GTF2IRD1: variants seen among roughly 807,000 people sequenced by gnomAD.
GTF2IRD1 encodes the protein general transcription factor II-I repeat domain-containing protein 1.
A neutral mutation model predicts 113.2 loss-of-function variants in GTF2IRD1; 26 were observed. The ratio of observed to expected loss-of-function variants is 0.23; its 90% CI spans 0.17 to 0.32. The LOEUF (loss-of-function observed/expected upper bound fraction) is 0.32. Ranked by LOEUF, GTF2IRD1 falls within the 10% of genes least tolerant of loss-of-function variation. The pLI is 1.00. For synonymous variants in GTF2IRD1, 484 were observed against 529.1 expected, an observed-to-expected ratio of 0.91 and a Z score of 1.17; for missense variants, 864 against 1,280.8, an observed-to-expected ratio of 0.67 and a Z score of 4.97.
chr7:74,549,826 G>A (rs1255104576), intron 17 of GTF2IRD1, among the ~76,000 whole-genome samples: 1 of 152,062 alleles, frequency 6.6e-6, no homozygotes, highest in Non-Finnish European at 1.5e-5. Context: ...ACCTGAGGTT[G>A]GGAGTTTGAG....
Position 74,508,101 on chromosome 7 carries a change from C to T in GTF2IRD1, c.21C>T (p.Arg7=). ...CGACCATGGCCTTGCTGGGTAAGCG[C>T]TGTGACGTCCCCACCAACGGCTGCG... The part of the protein sequence containing the change: MALLGK[R]CDVPTNGCGP... Residue 7 remains arginine, a synonymous_variant, in exon 2 of 27, where the codon CGC becomes CGT. Coordinates refer to ENST00000424337, the MANE Select transcript of GTF2IRD1 (RefSeq NM_005685.4). 6.2e-7 allele frequency: 1 copy of T among 1,609,372 alleles called. No individual in the cohort carries two copies. Among genetic ancestry groups the T allele is most frequent in the Non-Finnish European group, 8.5e-7 (1 of 1,179,916 alleles).
At position 74,518,331 on chromosome 7, in the gene GTF2IRD1, G is replaced by C. The variant is rs1797073452; in HGVS notation, c.605+9G>C. 3.8e-6 allele frequency: 6 copies of C among 1,574,610 alleles called. No homozygotes were observed. The highest frequency in any genetic ancestry group is 5.2e-6 in the Non-Finnish European group (6 of 1,152,676). The stretch of plus-strand genomic sequence containing the variant: ...CGCTTCAAGCTCAAGAGGTGAGTGA[G>C]GTAGCCGGCCCGGGGCTGGGCTGGG... On this transcript the variant is annotated intron_variant, in intron 5 of 26. Transcript: ENST00000424337.
intron 1 of GTF2IRD1, among the ~76,000 whole-genome samples, chr7:74,474,951 A>G (rs1554333225): frequency 6.6e-6 from 1 of 152,024 alleles, no homozygotes; most frequent in African/African-American, 2.4e-5. Flanking sequence ...CATCTCTACA[A>G]AAAAAATAAA....
At chr7:74,488,112 C>T (rs1461137671) in intron 1 of GTF2IRD1, among the ~76,000 whole-genome samples, 1 of 152,118 alleles carries the variant, frequency 6.6e-6, no homozygotes, top group African/African-American at 2.4e-5. Context: ...GAGACCCTAT[C>T]TCTAAAAAGT....
intron 2 of GTF2IRD1, among the ~76,000 whole-genome samples, chr7:74,511,186 G>T (rs1479276969): frequency 6.7e-6 from 1 of 149,506 alleles, no homozygotes; most frequent in Non-Finnish European, 1.5e-5. Context: ...GCCTTTTAAG[G>T]GTTTCCTGAG....
intron 3 of GTF2IRD1, among the ~76,000 whole-genome samples, chr7:74,514,502 G>A (rs1340409337): frequency 2.0e-5 from 3 of 152,134 alleles, no homozygotes; most frequent in Non-Finnish European, 4.4e-5. Flanking sequence ...TTCAAGCTCC[G>A]CAGATCCCAG....
intron 7 of GTF2IRD1, 98 bp from the exon 8 acceptor site, chr7:74,523,973 G>A (rs587660384): frequency 1.9e-5 from 15 of 800,628 alleles, no homozygotes; most frequent in East Asian, 5.3e-5. Flanking sequence ...GGCCGGCCTC[G>A]GGGGCTCTGG....
intron 1 of GTF2IRD1, among the ~76,000 whole-genome samples, chr7:74,476,388 G>A (rs755203160): frequency 3.9e-4 from 4 of 10,162 alleles, no homozygotes; most frequent in South Asian, 1.7e-3. Context: ...CTTTTGAGAC[G>A]GAGTCTCACT....
At chr7:74,513,431 G>A (rs1035335220) in intron 3 of GTF2IRD1, among the ~76,000 whole-genome samples, 4 of 152,100 alleles carry the variant, frequency 2.6e-5, no homozygotes, top group South Asian at 2.1e-4. Flanking sequence ...TCAGCTTCCC[G>A]AGCAGCTGGG....
chr7:74,500,500 GGTTC>G (rs1795974491), intron 1 of GTF2IRD1, among the ~76,000 whole-genome samples: 1 of 151,298 alleles, frequency 6.6e-6, no homozygotes, highest in Admixed American at 6.6e-5. Context: ...TTGTTTTTTT[GGTTC>G]AACCCCAAGC....
intron 1 of GTF2IRD1, among the ~76,000 whole-genome samples, chr7:74,460,424 T>C (rs927774727): frequency 1.3e-5 from 2 of 151,528 alleles, no homozygotes; most frequent in African/African-American, 4.9e-5. Flanking sequence ...AAAATTTTTT[T>C]TTTTTAGAGA....
intron 8 of GTF2IRD1, 141 bp from the exon 9 acceptor site, chr7:74,529,593 C>T: frequency 1.6e-6 from 1 of 634,234 alleles, no homozygotes; most frequent in East Asian, 2.8e-5. Context: ...ATGATTTTGA[C>T]ATTTCTGCAG....
chr7:74,563,135 G>A (rs1209847525), intron 22 of GTF2IRD1, among the ~76,000 whole-genome samples: 1 of 151,840 alleles, frequency 6.6e-6, no homozygotes, highest in East Asian at 1.9e-4. Context: ...AGCATGAGAA[G>A]GTCCGTGCTT....
intron 23 of GTF2IRD1, 119 bp from the exon 24 acceptor site, chr7:74,590,706 A>T: frequency 3.4e-6 from 2 of 591,442 alleles, no homozygotes; most frequent in Non-Finnish European, 5.7e-6. Context: ...CTTGATTTTT[A>T]AACTCTCTGG....
chr7:74,455,602 G>T (rs948844436), intron 1 of GTF2IRD1, among the ~76,000 whole-genome samples: 3 of 152,228 alleles, frequency 2.0e-5, no homozygotes, highest in Non-Finnish European at 4.4e-5. Flanking sequence ...GTATAAGGTA[G>T]TTAGGTGGCC....
At chr7:74,552,012 T>C (rs1262038890) in intron 17 of GTF2IRD1, among the ~76,000 whole-genome samples, 1 of 152,106 alleles carries the variant, frequency 6.6e-6, no homozygotes, top group Non-Finnish European at 1.5e-5. Flanking sequence ...AACAACGTGC[T>C]TGGGTGTTTG....
chr7:74,458,700 G>A (rs1309316419), intron 1 of GTF2IRD1, among the ~76,000 whole-genome samples: 2 of 147,282 alleles, frequency 1.4e-5, no homozygotes, highest in African/African-American at 5.0e-5. Context: ...TGTTGCCCAC[G>A]CTGGAGTGCA....
At chr7:74,568,846 G>A (rs1562878135) in intron 22 of GTF2IRD1, among the ~76,000 whole-genome samples, 1 of 152,084 alleles carries the variant, frequency 6.6e-6, no homozygotes, top group Non-Finnish European at 1.5e-5. Flanking sequence ...CTGGAAGGAG[G>A]GAAGGAGATG....
intron 1 of GTF2IRD1, among the ~76,000 whole-genome samples, chr7:74,488,532 A>T (rs1365124939): frequency 6.6e-6 from 1 of 151,442 alleles, no homozygotes; most frequent in East Asian, 2.0e-4. Flanking sequence ...CCAAGGCAGG[A>T]GGATTGCTTG....
Sources: gnomAD v4.1 joint callset for allele counts (sites outside exome capture counted in the v4.1 genomes callset) on GRCh38, gnomAD v4.1.1 for gene constraint, MANE v1.5 for transcripts, NCBI Gene and HGNC (gene_info 2026-07-23, HGNC 2026-07-21) for gene names.